NMUR2: variants seen among roughly 807,000 people sequenced by gnomAD.
NMUR2 encodes the protein neuromedin-U receptor 2.
A neutral mutation model predicts 25.1 loss-of-function variants in NMUR2; 24 were observed. That is an observed-to-expected ratio of 0.96 (90% confidence interval 0.69 to 1.34). NMUR2 has a LOEUF of 1.34. Among genes scored for constraint, NMUR2 ranks in the 40% most tolerant of loss-of-function variants. The pLI is 0.00. For missense variants in NMUR2, 533 were observed against 512.8 expected, an observed-to-expected ratio of 1.04 and a Z score of -0.38; for synonymous variants, 218 against 208.1, an observed-to-expected ratio of 1.05 and a Z score of -0.41.
chr5:152,397,119 G>C (rs950597052), intron 2 of NMUR2, among the ~76,000 whole-genome samples: 8 of 150,688 alleles, frequency 5.3e-5, no homozygotes, highest in African/African-American at 2.0e-4. Context: ...GCCAAGAGGA[G>C]CTAAAATATT....
In NMUR2 at chr5:152,392,365, TG is replaced by T; in HGVS notation, c.1073del (p.Pro358HisfsTer9). The T allele has an allele frequency of 6.2e-7, 1 of 1,613,970 alleles. No individual in the cohort carries two copies. ...QWHSQHDPQL[P>X]PAQRNIFLTE... ...TCAGGAAGATGTTCCGCTGGGCAGG[TG>T]GCAACTGTGGGTCATGCTGGGAGTG... is the stretch of plus-strand genomic sequence containing the variant. On this transcript the variant is annotated frameshift_variant, in exon 4 of 4. Transcript: ENST00000255262. LOFTEE classifies it low-confidence loss of function (END_TRUNC).
chr5:152,404,906 T>C lies in NMUR2; in HGVS notation c.208A>G (p.Ile70Val). The C allele has an allele frequency of 6.2e-7, 1 of 1,613,572 alleles. No individual in the cohort carries two copies. Among genetic ancestry groups the C allele is most frequent in the Non-Finnish European group, 8.5e-7 (1 of 1,179,884 alleles). Reference sequence around the variant, plus strand: ...GTCTTCATAGCCTGGTGCTGCAGAATCACCAGGCACACCAGGACATTGCCA... The same window carrying C: ...GTCTTCATAGCCTGGTGCTGCAGAACCACCAGGCACACCAGGACATTGCCA... ...VIGNVLVCLV[I>V]LQHQAMKTPT... Residue 70 changes from isoleucine to valine, a missense_variant, in exon 1 of 4, where the codon ATT (isoleucine) becomes GTT (valine). Ile to Val is a conservative substitution (Grantham distance 29). Transcript: ENST00000255262.
At chr5:152,400,410 G>A (rs1413159592) in intron 1 of NMUR2, among the ~76,000 whole-genome samples, 2 of 152,156 alleles carry the variant, frequency 1.3e-5, no homozygotes, top group South Asian at 4.2e-4. Flanking sequence ...CAGTGATTCT[G>A]ATTATTATCC....
intron 1 of NMUR2, among the ~76,000 whole-genome samples, chr5:152,403,523 G>A (rs1580891160): frequency 6.6e-6 from 1 of 151,866 alleles, no homozygotes; most frequent in East Asian, 1.9e-4. Context: ...CATAAACATA[G>A]GAAAAGAACC....
At chr5:152,400,728 T>A (rs572361553) in intron 1 of NMUR2, among the ~76,000 whole-genome samples, 1 of 152,360 alleles carries the variant, frequency 6.6e-6, no homozygotes, top group East Asian at 1.9e-4. Flanking sequence ...ATGCAGTTAT[T>A]CTATTATTTT....
chr5:152,393,528 A>C (rs1753097127), intron 3 of NMUR2, among the ~76,000 whole-genome samples: 1 of 152,170 alleles, frequency 6.6e-6, no homozygotes, highest in Non-Finnish European at 1.5e-5. Context: ...TATTGATTTA[A>C]CTCTTATTAT....
Position 152,395,528 on chromosome 5 carries a change from A to T in NMUR2, c.868T>A (p.Phe290Ile). Reference protein sequence around the residue: ...CWAPFHIDRLFFSFVEEWSES... With the variant: ...CWAPFHIDRLIFSFVEEWSES... ...CTCCACTCCTCCACAAAGCTGAAGAAGAGTCGGTCAATGTGGAACGGGGCC... is the reference window on the plus strand; with the variant it reads ...CTCCACTCCTCCACAAAGCTGAAGATGAGTCGGTCAATGTGGAACGGGGCC... Residue 290 changes from phenylalanine to isoleucine, a missense_variant, in exon 3 of 4, where the codon TTC becomes ATC. By Grantham distance (21) the Phe-to-Ile change is conservative (BLOSUM62 0). Coordinates refer to ENST00000255262, the MANE Select transcript of NMUR2 (RefSeq NM_020167.5). 1 of 1,613,760 alleles carries T rather than the reference A, an allele frequency of 6.2e-7. No homozygotes were observed. The highest frequency in any genetic ancestry group is 2.2e-5 in the East Asian group (1 of 44,866).
At chr5:152,395,622 CTG>C (rs1561696811) in intron 2 of NMUR2, 38 bp from the exon 3 acceptor site, 2 of 1,608,622 alleles carry the variant, frequency 1.2e-6, no homozygotes, top group Admixed American at 1.7e-5. Flanking sequence ...AGAAGACAGT[CTG>C]TGCAAGGATA....
intron 1 of NMUR2, among the ~76,000 whole-genome samples, chr5:152,398,985 G>T (rs537414046): frequency 1.3e-5 from 2 of 152,248 alleles, no homozygotes; most frequent in African/African-American, 4.8e-5. Flanking sequence ...TCCTTGCTCA[G>T]TTTAAGTCCT....
intron 3 of NMUR2, among the ~76,000 whole-genome samples, 157 bp from the exon 4 acceptor site, chr5:152,392,658 T>C (rs1016009252): frequency 6.6e-6 from 1 of 152,184 alleles, no homozygotes; most frequent in Non-Finnish European, 1.5e-5. Context: ...TACAAAATGC[T>C]CTGAATAGAT....
chr5:152,394,483 G>A (rs573229639), intron 3 of NMUR2, among the ~76,000 whole-genome samples: 94 of 152,260 alleles, frequency 6.2e-4, no homozygotes, highest in Non-Finnish European at 1.2e-3. Flanking sequence ...AGAATCAGCC[G>A]GTGACCAGGA....
chr5:152,404,056 T>C (rs1753303889), intron 1 of NMUR2, among the ~76,000 whole-genome samples: 1 of 152,150 alleles, frequency 6.6e-6, no homozygotes, highest in African/African-American at 2.4e-5. Context: ...CCTCAGACCT[T>C]CTGAATCCCA....
At chr5:152,394,208 G>C (rs1753111347) in intron 3 of NMUR2, among the ~76,000 whole-genome samples, 2 of 152,130 alleles carry the variant, frequency 1.3e-5, no homozygotes, top group African/African-American at 4.8e-5. Context: ...GTTTTCCGCA[G>C]ATTAACCAAA....
Position 152,404,708 on chromosome 5 carries a change from TGAG to T in NMUR2, c.403_405del (p.Leu135del), listed in dbSNP as rs1753323336. 1.2e-6 allele frequency: 2 copies of T among 1,614,090 alleles called. No homozygotes were observed. The highest frequency in any genetic ancestry group is 8.5e-7 in the Non-Finnish European group (1 of 1,180,030). On this transcript the variant is annotated inframe_deletion, in exon 1 of 4. Transcript: ENST00000255262. ...CGCTCCACGCTGACGGTGGTGATGCTGAGGATGGAGGCGAAGCACACGGTCTCA... is the reference window on the plus strand; with the variant it reads ...CGCTCCACGCTGACGGTGGTGATGCTGATGGAGGCGAAGCACACGGTCTCA...
chr5:152,392,629 A>G, intron 3 of NMUR2, 128 bp from the exon 4 acceptor site: 1 of 684,052 alleles, frequency 1.5e-6, no homozygotes, highest in Non-Finnish European at 2.5e-6. Context: ...GATAATACAT[A>G]CAAGCATCTA....
chr5:152,395,657 T>G, intron 2 of NMUR2, 73 bp from the exon 3 acceptor site: 1 of 1,526,508 alleles, frequency 6.6e-7, no homozygotes, highest in Non-Finnish European at 8.9e-7. Context: ...TCACTCTGAG[T>G]CAATCATTTC....
chr5:152,399,720 G>A (rs1580889332), intron 1 of NMUR2, among the ~76,000 whole-genome samples: 2 of 152,182 alleles, frequency 1.3e-5, no homozygotes, highest in Admixed American at 1.3e-4. Flanking sequence ...GAGCTAGCTC[G>A]GCTTCTGAAC....
Position 152,404,642 on chromosome 5 carries a change from T to C in NMUR2, c.472A>G (p.Ser158Gly). The C allele has an allele frequency of 6.2e-7, 1 of 1,614,038 alleles. No homozygotes were observed. The highest frequency in any genetic ancestry group is 8.5e-7 in the Non-Finnish European group (1 of 1,179,990). ...ATCCTGAGGGCCCGGCGCCGGGTGC[T>C]CTGCAGTTTGGCGCGGAACGGGTGT... is the stretch of plus-strand genomic sequence containing the variant. ...ILHPFRAKLQ[S>G]TRRRALRILG... Residue 158 changes from serine to glycine, a missense_variant, in exon 1 of 4, where the codon AGC becomes GGC. Physicochemically the swap from Ser to Gly is moderately conservative, Grantham distance 56. Transcript: ENST00000255262.
chr5:152,393,821 C>T (rs3792907), intron 3 of NMUR2, among the ~76,000 whole-genome samples: 21,998 of 152,038 alleles, frequency 0.14, 2,081 homozygotes, highest in Admixed American at 0.24. Context: ...TTGAGGAAGA[C>T]AGGAGAGGGT....
Sources: allele counts gnomAD v4.1 joint callset (sites outside exome capture counted in the v4.1 genomes callset), GRCh38; gene constraint gnomAD v4.1.1; transcripts MANE v1.5; gene names NCBI Gene and HGNC (gene_info 2026-07-23, HGNC 2026-07-21).